Variants in PPP2R5A observed in about 807,000 individuals in gnomAD.
PPP2R5A encodes serine/threonine-protein phosphatase 2A 56 kDa regulatory subunit alpha isoform.
A neutral mutation model predicts 64.2 loss-of-function variants in PPP2R5A; 25 were observed. The observed-to-expected ratio is 0.39, with a 90% CI of 0.28 to 0.54. The LOEUF (loss-of-function observed/expected upper bound fraction) is 0.54, where lower values mean the gene tolerates loss of function less well. PPP2R5A is among the 20% of genes least tolerant of loss of function. The probability of loss-of-function intolerance (pLI) is 0.67; values close to 1 mark genes in which losing one functional copy is unlikely to be tolerated. For missense variants in PPP2R5A, 425 were observed against 576.3 expected, an observed-to-expected ratio of 0.74 and a Z score of 2.69; for synonymous variants, 198 against 201.2, an observed-to-expected ratio of 0.98 and a Z score of 0.13.
chr1:212,297,269 C>T (rs796540325), intron 1 of PPP2R5A, among the ~76,000 whole-genome samples: 12 of 151,516 alleles, frequency 7.9e-5, no homozygotes, highest in African/African-American at 2.9e-4. Flanking sequence ...CCATACCTGG[C>T]TAATTTTTTT....
intron 1 of PPP2R5A, among the ~76,000 whole-genome samples, chr1:212,304,737 T>TC (rs1437199716): frequency 6.7e-6 from 1 of 148,968 alleles, no homozygotes; most frequent in African/African-American, 2.5e-5. Context: ...CCCAGTTTTT[T>TC]TTTTTTTTTT....
At position 212,360,668 on chromosome 1, in the gene PPP2R5A, A is replaced by G. The variant is rs758285876; in HGVS notation, c.1359A>G (p.Glu453=). 256 of 1,582,998 alleles carry G rather than the reference A, an allele frequency of 1.6e-4. No homozygotes were observed. The highest frequency in any genetic ancestry group is 2.1e-4 in the Non-Finnish European group (249 of 1,167,348). ...REKKKELERE[E]LWKKLEELKL... ...AAAAGAAGGAATTGGAACGTGAAGA[A>G]TTATGGAAAAAATTAGAGGAGCTAA... Residue 453 remains glutamate, a synonymous_variant, in exon 13 of 13, where the codon GAA becomes GAG. Coordinates refer to ENST00000261461, the MANE Select transcript of PPP2R5A (RefSeq NM_006243.4).
chr1:212,295,240 G>T (rs1484582656), intron 1 of PPP2R5A, among the ~76,000 whole-genome samples: 1 of 152,204 alleles, frequency 6.6e-6, no homozygotes, highest in Admixed American at 6.5e-5. Context: ...GCTTGTCCAA[G>T]TGGGGATGGG....
intron 1 of PPP2R5A, among the ~76,000 whole-genome samples, chr1:212,288,051 T>A (rs988444865): frequency 1.3e-5 from 2 of 152,200 alleles, no homozygotes; most frequent in Non-Finnish European, 2.9e-5. Flanking sequence ...TTTTTCACTT[T>A]CGTTGCTCAG....
chr1:212,330,117 G>T (rs1659478499), intron 2 of PPP2R5A, among the ~76,000 whole-genome samples: 1 of 152,084 alleles, frequency 6.6e-6, no homozygotes, highest in South Asian at 2.1e-4. Context: ...TTGAAGTAAG[G>T]TTGTTTAGGA....
rs1458677460 is a variant in PPP2R5A, at chr1:212,361,663, C to T, written c.*893C>T. The T allele has an allele frequency of 1.3e-5, 2 of 152,664 alleles. No homozygotes were observed. Among genetic ancestry groups the T allele is most frequent in the Non-Finnish European group, 2.9e-5 (2 of 68,056 alleles). 9.5% of individuals were successfully genotyped at this position (152,664 alleles called of 1,614,324 possible). On this transcript the variant is annotated 3_prime_UTR_variant, in exon 13 of 13. Coordinates refer to ENST00000261461, the MANE Select transcript of PPP2R5A (RefSeq NM_006243.4). ...TATTTAAAGGAACTGCAGTAGGCTT[C>T]CTCTGTAGAGCTCTGAAAAGGTTGA...
At chr1:212,339,234 A>G (rs1459900559) in intron 3 of PPP2R5A, among the ~76,000 whole-genome samples, 2 of 152,110 alleles carry the variant, frequency 1.3e-5, no homozygotes, top group Non-Finnish European at 2.9e-5. Context: ...CTGGAATGCA[A>G]TGGAGTAATC....
At chr1:212,314,848 C>T (rs1228728710) in intron 1 of PPP2R5A, among the ~76,000 whole-genome samples, 2 of 152,084 alleles carry the variant, frequency 1.3e-5, no homozygotes, top group East Asian at 1.9e-4. Flanking sequence ...AGGCATGAGC[C>T]ACTGTGCCCA....
At chr1:212,322,755 T>TTTTATTTATTTATTTATTTA (rs59766947) in intron 1 of PPP2R5A, among the ~76,000 whole-genome samples, 12 of 147,010 alleles carry the variant, frequency 8.2e-5, no homozygotes, top group East Asian at 2.0e-4. Flanking sequence ...TTAATTCTCA[T>TTTTATTTATTTATTTATTTA]TTTATTTATT....
chr1:212,315,834 ATGTGCT>A (rs1558144746), intron 1 of PPP2R5A, among the ~76,000 whole-genome samples: 1 of 152,074 alleles, frequency 6.6e-6, no homozygotes, highest in Non-Finnish European at 1.5e-5. Context: ...TTCCAATAGC[ATGTGCT>A]CGCTTTGTGT....
chr1:212,318,570 A>G (rs1446126422), intron 1 of PPP2R5A, among the ~76,000 whole-genome samples: 2 of 152,242 alleles, frequency 1.3e-5, no homozygotes, highest in Non-Finnish European at 2.9e-5. Flanking sequence ...AAATTGTTAA[A>G]TATGGTATAC....
chr1:212,360,805 G>A lies in PPP2R5A; in HGVS notation c.*35G>A. On this transcript the variant is annotated 3_prime_UTR_variant, in exon 13 of 13. Transcript: ENST00000261461. ...CTCCCACCTCTGCCGGATAGGCAGAGTTTTGTATGCTTTTTTGAAATATGT... is the reference window on the plus strand; with the variant it reads ...CTCCCACCTCTGCCGGATAGGCAGAATTTTGTATGCTTTTTTGAAATATGT... The A allele has an allele frequency of 6.7e-7, 1 of 1,486,640 alleles. No homozygotes were observed. Among genetic ancestry groups the A allele is most frequent in the Non-Finnish European group, 8.9e-7 (1 of 1,117,600 alleles). The allele number at this position is 1,486,640 out of a possible 1,614,324, so 92.1% of individuals were successfully genotyped here. A position where few individuals can be genotyped will look rare whatever the true frequency, so the allele number is the denominator to read the frequency against.
At chr1:212,309,156 C>G in intron 1 of PPP2R5A, 1 of 1,250,012 alleles carries the variant, frequency 8.0e-7, no homozygotes. Context: ...TGACCTTGGC[C>G]ACATTGGTGT....
intron 1 of PPP2R5A, chr1:212,299,592 G>T (rs1658762781): frequency 1.3e-5 from 2 of 152,122 alleles, no homozygotes; most frequent in Admixed American, 6.5e-5. Context: ...AGTCAATTGG[G>T]CTAATCTACC....
At chr1:212,292,212 G>A (rs12066102) in intron 1 of PPP2R5A, among the ~76,000 whole-genome samples, 14,558 of 152,156 alleles carry the variant, frequency 0.096, 2,272 homozygotes, top group African/African-American at 0.33. Flanking sequence ...ACTCAGGGCT[G>A]CTTATATTCC....
intron 4 of PPP2R5A, 97 bp from the exon 5 acceptor site, chr1:212,345,706 T>C: frequency 7.4e-7 from 1 of 1,349,974 alleles, no homozygotes; most frequent in Non-Finnish European, 1.0e-6. Context: ...TCTAAAAAAT[T>C]TTTAAAAGAT....
rs1558158147 is a variant in PPP2R5A, at chr1:212,361,246, A to G, written c.*476A>G. 1 of 152,730 alleles carries G rather than the reference A, an allele frequency of 6.5e-6. No individual in the cohort carries two copies. The highest frequency in any genetic ancestry group is 1.5e-5 in the Non-Finnish European group (1 of 68,100). The allele number at this position is 152,730 out of a possible 1,614,324, so 9.5% of individuals were successfully genotyped here. ...ACCCTTCTCTTTGTCTCACCCAGAA[A>G]TATGATGGGGGGAATTACCTGCCCT... On this transcript the variant is annotated 3_prime_UTR_variant, in exon 13 of 13. Coordinates refer to ENST00000261461, the MANE Select transcript of PPP2R5A (RefSeq NM_006243.4).
chr1:212,322,229 AGAGGGAGAGGGAGAG>A lies in PPP2R5A; in HGVS notation c.182-6889_182-6875del, dbSNP rs1225617073. On this transcript the variant is annotated intron_variant, in intron 1 of 12. Transcript: ENST00000261461. ...GGAGAGGGAGACTGTGGGGAGAGGG[AGAGGGAGAGGGAGAG>A]GAGGGAGAGGGAGAGGGAGAGGAGG... Among the ~76,000 whole-genome samples, 5 of 105,364 alleles carry A rather than the reference AGAGGGAGAGGGAGAG, an allele frequency of 4.7e-5. No individual in the cohort carries two copies. In the East Asian group the frequency reaches 8.0e-4, roughly 17 times the overall value. 69.1% of individuals were successfully genotyped at this position (105,364 alleles called of 152,430 possible). A position where few individuals can be genotyped will look rare whatever the true frequency, so the allele number is the denominator to read the frequency against.
At chr1:212,328,081 C>G (rs980371069) in intron 1 of PPP2R5A, among the ~76,000 whole-genome samples, 8 of 152,248 alleles carry the variant, frequency 5.3e-5, no homozygotes, top group African/African-American at 1.7e-4. Flanking sequence ...TCCCAAAATG[C>G]TGGGATTACA....
Sources: gnomAD v4.1 joint callset for allele counts (sites outside exome capture counted in the v4.1 genomes callset) on GRCh38, gnomAD v4.1.1 for gene constraint, MANE v1.5 for transcripts, NCBI Gene and HGNC (gene_info 2026-07-23, HGNC 2026-07-21) for gene names.